ERC2: variants seen among roughly 807,000 people sequenced by gnomAD.
ERC2 encodes the protein ERC protein 2.
Under a neutral mutation model 114.8 loss-of-function variants are expected in ERC2, and 42 were observed. That is an observed-to-expected ratio of 0.37 (90% confidence interval 0.29 to 0.47). The LOEUF is 0.47. Ranked by LOEUF, ERC2 falls within the 20% of genes least tolerant of loss-of-function variation. The pLI, the probability that ERC2 is intolerant of heterozygous loss-of-function variation, is 0.99. For synonymous variants in ERC2, 454 were observed against 425.5 expected, an observed-to-expected ratio of 1.07 and a Z score of -0.82; for missense variants, 939 against 1,150.7, an observed-to-expected ratio of 0.82 and a Z score of 2.66.
intron 14 of ERC2, among the ~76,000 whole-genome samples, chr3:55,741,196 T>C (rs561150276): frequency 6.6e-6 from 1 of 152,294 alleles, no homozygotes; most frequent in South Asian, 2.1e-4. Context: ...ATTCTACACT[T>C]TCACAGTTCC....
At chr3:56,056,249 G>C (rs2076008033) in intron 7 of ERC2, among the ~76,000 whole-genome samples, 2 of 152,174 alleles carry the variant, frequency 1.3e-5, no homozygotes, top group African/African-American at 4.8e-5. Flanking sequence ...CTGCTCAATT[G>C]CTAAGAGATA....
At chr3:55,540,549 G>C (rs2054324653) in intron 17 of ERC2, among the ~76,000 whole-genome samples, 1 of 152,192 alleles carries the variant, frequency 6.6e-6, no homozygotes. Flanking sequence ...CTCAGCCACT[G>C]AGTTGCTCTC....
At chr3:55,760,752 T>C (rs145487802) in intron 14 of ERC2, among the ~76,000 whole-genome samples, 50 of 152,282 alleles carry the variant, frequency 3.3e-4, no homozygotes, top group African/African-American at 1.2e-3. Context: ...CATGTACAAA[T>C]AACGCTCAGA....
chr3:55,860,861 AAG>A (rs1474759185), intron 14 of ERC2, among the ~76,000 whole-genome samples: 1 of 152,224 alleles, frequency 6.6e-6, no homozygotes, highest in Non-Finnish European at 1.5e-5. Context: ...GAAGGGACTG[AAG>A]AGAGAGCCTT....
At chr3:56,031,374 C>A (rs906414829) in intron 7 of ERC2, among the ~76,000 whole-genome samples, 1 of 152,222 alleles carries the variant, frequency 6.6e-6, no homozygotes, top group South Asian at 2.1e-4. Flanking sequence ...CCCACCCCCA[C>A]ATACCCATGG....
At chr3:56,406,605 G>T (rs2060737236) in intron 2 of ERC2, among the ~76,000 whole-genome samples, 1 of 152,142 alleles carries the variant, frequency 6.6e-6, no homozygotes, top group South Asian at 2.1e-4. Context: ...TTGAACAAGG[G>T]CCCTGTATTT....
rs2076622578 is a variant in ERC2 at position 56,069,349 on chromosome 3, T to C, written c.1641+11468A>G. Among the ~76,000 whole-genome samples, 3 of 152,232 alleles carry C rather than the reference T, an allele frequency of 2.0e-5. No homozygotes were observed. The South Asian group carries it at 6.2e-4, about 31-fold the overall frequency. Reference sequence around the variant, plus strand: ...AACTCTGAAAAGTTATTTTAACATGTACTTACATCAGTTTTCTATTGCTGT... The same window carrying C: ...AACTCTGAAAAGTTATTTTAACATGCACTTACATCAGTTTTCTATTGCTGT... On this transcript the variant is annotated intron_variant, in intron 7 of 17. Transcript: ENST00000288221.
At chr3:56,397,068 A>G (rs2060336150) in intron 2 of ERC2, among the ~76,000 whole-genome samples, 1 of 152,226 alleles carries the variant, frequency 6.6e-6, no homozygotes, top group African/African-American at 2.4e-5. Flanking sequence ...CCCAAAGGAC[A>G]ATGTCTGTAC....
chr3:55,519,998 T>C (rs2052793685), intron 17 of ERC2, among the ~76,000 whole-genome samples: 1 of 150,302 alleles, frequency 6.7e-6, no homozygotes, highest in Non-Finnish European at 1.5e-5. Context: ...AAGGCTGCAG[T>C]GAGCCATGAT....
chr3:55,728,400 C>T (rs79634143), intron 15 of ERC2, among the ~76,000 whole-genome samples: 5,009 of 152,162 alleles, frequency 0.033, 264 homozygotes, highest in African/African-American at 0.11. Flanking sequence ...TTGAGCAAGT[C>T]CCAGAAGGCT....
chr3:55,837,654 A>T (rs1305141316), intron 14 of ERC2, among the ~76,000 whole-genome samples: 23 of 151,890 alleles, frequency 1.5e-4, no homozygotes, highest in Non-Finnish European at 4.4e-5. Flanking sequence ...CCTAATTCTA[A>T]ATGACGAGTT....
chr3:55,953,927 G>A (rs979697936), intron 12 of ERC2, among the ~76,000 whole-genome samples: 1 of 151,968 alleles, frequency 6.6e-6, no homozygotes, highest in African/African-American at 2.4e-5. Flanking sequence ...ATTCAGTACA[G>A]CTTTCAAATG....
At chr3:55,853,468 T>C (rs1418285980) in intron 14 of ERC2, among the ~76,000 whole-genome samples, 3 of 151,802 alleles carry the variant, frequency 2.0e-5, no homozygotes, top group African/African-American at 4.8e-5. Context: ...GAGGCTGCCA[T>C]GAGTGTCATG....
intron 3 of ERC2, among the ~76,000 whole-genome samples, 177 bp downstream of exon 3, chr3:56,295,842 G>A (rs542950104): frequency 2.0e-5 from 3 of 152,338 alleles, no homozygotes; most frequent in African/African-American, 7.2e-5. Context: ...TGTGCAGTGA[G>A]CAAAGACTAA....
intron 11 of ERC2, among the ~76,000 whole-genome samples, chr3:55,988,400 C>CT (rs1454052869): frequency 6.6e-6 from 1 of 152,198 alleles, no homozygotes; most frequent in South Asian, 2.1e-4. Flanking sequence ...TGGGACCACA[C>CT]TAGAGCAACA....
intron 17 of ERC2, among the ~76,000 whole-genome samples, chr3:55,679,939 C>T (rs1425810494): frequency 6.6e-6 from 1 of 152,210 alleles, no homozygotes; most frequent in Non-Finnish European, 1.5e-5. Context: ...ACTTCCTAGC[C>T]ACAATAAAAC....
chr3:55,690,434 C>T (rs2062582263), intron 16 of ERC2, among the ~76,000 whole-genome samples: 1 of 152,194 alleles, frequency 6.6e-6, no homozygotes, highest in Non-Finnish European at 1.5e-5. Flanking sequence ...TAAAGTGCTG[C>T]CTCTTAGACA....
At chr3:55,832,165 A>G (rs1443464734) in intron 14 of ERC2, among the ~76,000 whole-genome samples, 3 of 152,204 alleles carry the variant, frequency 2.0e-5, no homozygotes, top group Non-Finnish European at 4.4e-5. Flanking sequence ...ATAGGCTCCA[A>G]CTCTGGGGGC....
chr3:55,893,011 C>T (rs1482004952), intron 13 of ERC2, among the ~76,000 whole-genome samples: 1 of 152,022 alleles, frequency 6.6e-6, no homozygotes, highest in Non-Finnish European at 1.5e-5. Context: ...GATTAGTGAC[C>T]TTATGAAAGA....
Sources: allele counts gnomAD v4.1 joint callset (sites outside exome capture counted in the v4.1 genomes callset), GRCh38; gene constraint gnomAD v4.1.1; transcripts MANE v1.5; gene names NCBI Gene and HGNC (gene_info 2026-07-23, HGNC 2026-07-21).